Variants in MSRA observed in about 807,000 individuals in gnomAD.
MSRA encodes mitochondrial peptide methionine sulfoxide reductase.
MSRA carries 54 observed loss-of-function variants against 31.3 expected under a neutral mutation model. The observed-to-expected ratio is 1.73, with a 90% CI of 1.39 to 2.17. The LOEUF is 2.17. Among genes scored for constraint, MSRA ranks in the 30% most tolerant of loss-of-function variants. MSRA has a pLI of 0.00. For synonymous variants in MSRA, 169 were observed against 116.5 expected, an observed-to-expected ratio of 1.45 and a Z score of -2.90; for missense variants, 507 against 300.9, an observed-to-expected ratio of 1.69 and a Z score of -5.07.
chr8:10,248,688 T>C (rs1156423653), intron 3 of MSRA, among the ~76,000 whole-genome samples: 1 of 152,018 alleles, frequency 6.6e-6, no homozygotes, highest in East Asian at 1.9e-4. Flanking sequence ...CAAATCGGAG[T>C]TGTGACTAGG....
intron 1 of MSRA, among the ~76,000 whole-genome samples, chr8:10,113,308 TTTTTTTG>T (rs1192357147): frequency 2.9e-4 from 34 of 117,630 alleles, no homozygotes; most frequent in African/African-American, 1.2e-3. Flanking sequence ...TTTTTTTTTT[TTTTTTTG>T]GAGGTGTGTG....
At chr8:10,364,162 T>G (rs543886788) in intron 5 of MSRA, among the ~76,000 whole-genome samples, 35 of 152,338 alleles carry the variant, frequency 2.3e-4, no homozygotes, top group African/African-American at 8.2e-4. Context: ...AATTAGCTGC[T>G]TGTTCTGGCC....
chr8:10,410,665 GTCCCCAACC>G (rs1203161358), intron 5 of MSRA, among the ~76,000 whole-genome samples: 1 of 152,142 alleles, frequency 6.6e-6, no homozygotes, highest in East Asian at 1.9e-4. Flanking sequence ...GGCCCCTCTT[GTCCCCAACC>G]TCTATGCAAA....
intron 5 of MSRA, among the ~76,000 whole-genome samples, chr8:10,326,881 G>A (rs1802393143): frequency 6.6e-6 from 1 of 152,128 alleles, no homozygotes; most frequent in African/African-American, 2.4e-5. Flanking sequence ...AGTGAGGGTG[G>A]TTCACGTGTA....
intron 3 of MSRA, among the ~76,000 whole-genome samples, chr8:10,286,841 A>G (rs959729435): frequency 6.6e-5 from 10 of 152,246 alleles, no homozygotes; most frequent in African/African-American, 9.6e-5. Flanking sequence ...AAGTATCAGC[A>G]CACTTTATAG....
At chr8:10,236,988 A>G (rs1024984451) in intron 2 of MSRA, among the ~76,000 whole-genome samples, 3 of 152,224 alleles carry the variant, frequency 2.0e-5, no homozygotes, top group African/African-American at 7.2e-5. Context: ...ATTCTACCAC[A>G]TGTTAACTAA....
At chr8:10,363,692 C>A (rs1337893902) in intron 5 of MSRA, among the ~76,000 whole-genome samples, 3 of 147,920 alleles carry the variant, frequency 2.0e-5, no homozygotes, top group Non-Finnish European at 4.5e-5. Flanking sequence ...ATCACTTGAA[C>A]CCAGGAGTTT....
intron 5 of MSRA, among the ~76,000 whole-genome samples, chr8:10,362,774 G>A (rs1055845098): frequency 7.9e-5 from 12 of 151,970 alleles, no homozygotes; most frequent in East Asian, 3.9e-4. Flanking sequence ...CTTCCTGGCC[G>A]TTAGTCCCTG....
At chr8:10,351,790 T>A (rs1242759506) in intron 5 of MSRA, among the ~76,000 whole-genome samples, 1 of 152,152 alleles carries the variant, frequency 6.6e-6, no homozygotes, top group African/African-American at 2.4e-5. Flanking sequence ...CACCTGGGGA[T>A]CTTGGTAAAA....
At chr8:10,192,228 A>C (rs1478716742) in intron 1 of MSRA, among the ~76,000 whole-genome samples, 2 of 152,200 alleles carry the variant, frequency 1.3e-5, no homozygotes, top group Non-Finnish European at 2.9e-5. Context: ...GTGAATCACT[A>C]AGTTCGGCCT....
chr8:10,082,727 C>G (rs533999081), intron 1 of MSRA, among the ~76,000 whole-genome samples: 36 of 152,282 alleles, frequency 2.4e-4, no homozygotes, highest in Admixed American at 4.6e-4. Context: ...GATCTCCATT[C>G]CGGTGTGCTG....
intron 1 of MSRA, among the ~76,000 whole-genome samples, chr8:10,184,581 CA>C (rs1806855625): frequency 5.3e-5 from 8 of 151,900 alleles, no homozygotes; most frequent in Admixed American, 5.2e-4. Context: ...TAGAAACTAG[CA>C]AGACATTTTT....
At chr8:10,093,093 T>C (rs1798938066) in intron 1 of MSRA, among the ~76,000 whole-genome samples, 1 of 152,180 alleles carries the variant, frequency 6.6e-6, no homozygotes, top group African/African-American at 2.4e-5. Flanking sequence ...AGTGTGTCTT[T>C]TGTAGACAGC....
At chr8:10,353,614 A>G in intron 5 of MSRA, 1 of 456,190 alleles carries the variant, frequency 2.2e-6, no homozygotes, top group Non-Finnish European at 4.4e-6. Context: ...CTTTTCCTTT[A>G]GGTACCCAAG....
In MSRA at chr8:10,316,567, T is replaced by TCC. The variant is rs1470048076; in HGVS notation, c.437-3315_437-3314insCC. Among the ~76,000 whole-genome samples the TCC allele has an allele frequency of 3.2e-4, 46 of 145,218 alleles. 1 individual carries two copies. Among genetic ancestry groups the TCC allele is most frequent in the South Asian group, 6.9e-4 (3 of 4,368 alleles). On this transcript the variant is annotated intron_variant, in intron 4 of 5. Transcript: ENST00000317173. ...CTCTCTCTCTCTCTCTCTCTCTCTC[T>TCC]CTCTCTCCTTCCTCCTCCTCTTCTC...
rs113685778 is a variant in MSRA at position 10,235,795 on chromosome 8, G to C, written c.212-9309G>C. Among the ~76,000 whole-genome samples the C allele has an allele frequency of 5.0e-3, 754 of 152,170 alleles. 12 individuals carry two copies. The highest frequency in any genetic ancestry group is 0.017 in the African/African-American group (719 of 41,520). ...ATAGGAGAGAAAATAAGAAAGGCTA[G>C]CCAACCAATTTTCTGAGGCCAGTAT... On this transcript the variant is annotated intron_variant, in intron 2 of 5. Coordinates refer to ENST00000317173, the MANE Select transcript of MSRA (RefSeq NM_012331.5).
At chr8:10,426,208 T>A (rs1809151626) in intron 5 of MSRA, among the ~76,000 whole-genome samples, 1 of 152,186 alleles carries the variant, frequency 6.6e-6, no homozygotes, top group Non-Finnish European at 1.5e-5. Context: ...TTAGAGAGGT[T>A]CTGTTCCCTG....
intron 3 of MSRA, among the ~76,000 whole-genome samples, chr8:10,254,625 G>T (rs559378851): frequency 1.3e-5 from 2 of 152,278 alleles, no homozygotes; most frequent in African/African-American, 4.8e-5. Context: ...CAGGTGCCAG[G>T]GGTCAGAGAC....
At chr8:10,096,201 T>G in intron 1 of MSRA, 1 of 1,251,838 alleles carries the variant, frequency 8.0e-7, no homozygotes, top group Non-Finnish European at 1.0e-6. Flanking sequence ...AGCAACAGCT[T>G]TTATTTCTGC....
Sources: gnomAD v4.1 joint callset for allele counts (sites outside exome capture counted in the v4.1 genomes callset) on GRCh38, gnomAD v4.1.1 for gene constraint, MANE v1.5 for transcripts, NCBI Gene and HGNC (gene_info 2026-07-23, HGNC 2026-07-21) for gene names.